Variants in ARHGEF33 observed in about 807,000 individuals in gnomAD.
ARHGEF33 encodes DH and coiled-coil domain-containing protein ENSP00000381780.
In ARHGEF33, 72 loss-of-function variants were observed where a neutral mutation model predicts 101.9. The ratio of observed to expected loss-of-function variants is 0.71; its 90% CI spans 0.58 to 0.86. ARHGEF33 has a LOEUF of 0.86. ARHGEF33 is among the 40% of genes least tolerant of loss of function. The pLI, the probability that ARHGEF33 is intolerant of heterozygous loss-of-function variation, is 0.00. For synonymous variants in ARHGEF33, 499 were observed against 442.5 expected, an observed-to-expected ratio of 1.13 and a Z score of -1.60; for missense variants, 1,169 against 1,111.3, an observed-to-expected ratio of 1.05 and a Z score of -0.74.
At chr2:38,890,655 A>G (rs536827715) in intron 1 of ARHGEF33, among the ~76,000 whole-genome samples, 1 of 152,336 alleles carries the variant, frequency 6.6e-6, no homozygotes, top group South Asian at 2.1e-4. Flanking sequence ...GAGTTTTTAT[A>G]TGCTGAAATA....
chr2:38,925,111 G>A (rs1321464541), intron 4 of ARHGEF33, among the ~76,000 whole-genome samples: 1 of 152,132 alleles, frequency 6.6e-6, no homozygotes, highest in African/African-American at 2.4e-5. Flanking sequence ...TATCTGCAGT[G>A]TGATTTCAAG....
chr2:38,947,723 C>G (rs958556986), intron 10 of ARHGEF33, among the ~76,000 whole-genome samples: 1 of 152,162 alleles, frequency 6.6e-6, no homozygotes, highest in Non-Finnish European at 1.5e-5. Context: ...TGTCTGAACA[C>G]TTATGGAGGG....
At chr2:38,944,545 A>T (rs1297612465) in intron 10 of ARHGEF33, among the ~76,000 whole-genome samples, 1 of 152,166 alleles carries the variant, frequency 6.6e-6, no homozygotes, top group African/African-American at 2.4e-5. Context: ...ACACATTTAG[A>T]TCATAGCAAT....
Position 38,957,938 on chromosome 2 carries a change from ATC to A in ARHGEF33, c.1371-94_1371-93del. The A allele has an allele frequency of 2.8e-6, 4 of 1,422,816 alleles. No individual in the cohort carries two copies. In the South Asian group the frequency reaches 5.3e-5, roughly 19 times the overall value. 88.1% of individuals were successfully genotyped at this position (1,422,816 alleles called of 1,614,324 possible). A position where few individuals can be genotyped will look rare whatever the true frequency, so the allele number is the denominator to read the frequency against. Reference sequence around the variant, plus strand: ...GATAGAGACCTTCACAGCAAACTTTATCTGAGACATCTCTCTATCTTTTTTGG... The same window carrying A: ...GATAGAGACCTTCACAGCAAACTTTATGAGACATCTCTCTATCTTTTTTGG... On this transcript the variant is annotated intron_variant, in intron 14 of 17. Coordinates refer to ENST00000409978, the MANE Select transcript of ARHGEF33 (RefSeq NM_001145451.5).
chr2:38,892,935 A>G (rs1021214062), intron 1 of ARHGEF33, among the ~76,000 whole-genome samples: 3 of 152,152 alleles, frequency 2.0e-5, no homozygotes, highest in African/African-American at 7.2e-5. Flanking sequence ...CTACAGTGCC[A>G]CTAAGTCATC....
intron 4 of ARHGEF33, among the ~76,000 whole-genome samples, chr2:38,927,707 AAAC>A (rs530394499): frequency 2.0e-5 from 3 of 152,312 alleles, no homozygotes; most frequent in Admixed American, 6.5e-5. Flanking sequence ...AAACAAGACA[AAAC>A]AACAACAACA....
intron 4 of ARHGEF33, among the ~76,000 whole-genome samples, chr2:38,922,364 G>A (rs778546812): frequency 6.6e-6 from 1 of 152,106 alleles, no homozygotes; most frequent in Non-Finnish European, 1.5e-5. Context: ...AGAAATACAG[G>A]AGTCCAGAAG....
At chr2:38,928,487 A>G (rs1666922283) in intron 4 of ARHGEF33, among the ~76,000 whole-genome samples, 1 of 152,222 alleles carries the variant, frequency 6.6e-6, no homozygotes, top group Non-Finnish European at 1.5e-5. Flanking sequence ...GAAAACAAGA[A>G]CTGAGTTTCC....
At chr2:38,966,686 T>C (rs2124430446) in intron 17 of ARHGEF33, among the ~76,000 whole-genome samples, 1 of 152,328 alleles carries the variant, frequency 6.6e-6, no homozygotes, top group East Asian at 1.9e-4. Context: ...TAATGGAGTT[T>C]CTGTATTCCA....
intron 9 of ARHGEF33, among the ~76,000 whole-genome samples, chr2:38,940,893 A>C (rs1165899237): frequency 6.6e-6 from 1 of 152,176 alleles, no homozygotes. Context: ...TGTGGTCCTC[A>C]TATGCTGAGT....
intron 2 of ARHGEF33, among the ~76,000 whole-genome samples, chr2:38,906,512 A>G (rs540755316): frequency 1.4e-4 from 21 of 152,294 alleles, no homozygotes; most frequent in African/African-American, 4.1e-4. Flanking sequence ...GGGGTTCAGT[A>G]TGCCTTAGCT....
At chr2:38,950,798 GTTTTGT>G (rs1667581057) in intron 10 of ARHGEF33, among the ~76,000 whole-genome samples, 185 bp from the exon 11 acceptor site, 1 of 151,902 alleles carries the variant, frequency 6.6e-6, no homozygotes, top group South Asian at 2.1e-4. Context: ...TTTTTGTTTT[GTTTTGT>G]TTTTCTGTAG....
At chr2:38,921,522 C>A in intron 4 of ARHGEF33, 99 bp downstream of exon 4, 1 of 815,782 alleles carries the variant, frequency 1.2e-6, no homozygotes, top group Non-Finnish European at 2.1e-6. Context: ...AGTGCTTCCA[C>A]ATATATCGTT....
rs1193422840 is a variant in ARHGEF33 at position 38,960,482 on chromosome 2, A to G, written c.2177A>G (p.Tyr726Cys). The G allele has an allele frequency of 2.1e-6, 3 of 1,422,384 alleles. No homozygotes were observed. The highest frequency in any genetic ancestry group is 5.7e-5 in the Admixed American group (2 of 34,990). 88.1% of individuals were successfully genotyped at this position (1,422,384 alleles called of 1,614,324 possible). The change falls in exon 16 of 18, where the codon TAC (tyrosine) becomes TGC (cysteine). Residue 726 changes from tyrosine to cysteine, a missense_variant. Transcript: ENST00000409978. ...GCCGACGGCGTGGCCCCACGCCTCT[A>G]CAGCACGCGCAGCAGCAGCGGCGGC... Reference protein sequence around the residue: ...PPADGVAPRLYSTRSSSGGRA... With the variant: ...PPADGVAPRLCSTRSSSGGRA...
chr2:38,965,872 T>C (rs1668039815), intron 16 of ARHGEF33, 134 bp from the exon 17 acceptor site: 2 of 1,037,466 alleles, frequency 1.9e-6, no homozygotes, highest in Non-Finnish European at 2.8e-6. Flanking sequence ...TTTGCTTTAG[T>C]TGGGATTGGG....
At chr2:38,907,254 C>G (rs142063104) in intron 2 of ARHGEF33, among the ~76,000 whole-genome samples, 361 of 152,290 alleles carry the variant, frequency 2.4e-3, no homozygotes, top group Non-Finnish European at 3.9e-3. Context: ...CATCCATTTT[C>G]AAGGTTTGAC....
At chr2:38,902,864 G>T (rs960953636) in intron 2 of ARHGEF33, among the ~76,000 whole-genome samples, 6 of 152,082 alleles carry the variant, frequency 3.9e-5, no homozygotes, top group Non-Finnish European at 8.8e-5. Flanking sequence ...AGCAGTGAAA[G>T]GGAGATAGGG....
At chr2:38,913,802 G>A (rs1666569016) in intron 2 of ARHGEF33, among the ~76,000 whole-genome samples, 1 of 150,894 alleles carries the variant, frequency 6.6e-6, no homozygotes, top group Non-Finnish European at 1.5e-5. Context: ...TATTTCAATA[G>A]CAAAAGTGAC....
chr2:38,967,080 T>C (rs771107734), intron 17 of ARHGEF33, among the ~76,000 whole-genome samples: 1 of 152,374 alleles, frequency 6.6e-6, no homozygotes. Flanking sequence ...TTGCTGCCTT[T>C]GGAGAGTTGC....
Sources: allele counts gnomAD v4.1 joint callset (sites outside exome capture counted in the v4.1 genomes callset), GRCh38; gene constraint gnomAD v4.1.1; transcripts MANE v1.5; gene names NCBI Gene and HGNC (gene_info 2026-07-23, HGNC 2026-07-21).